PDE11A: variants seen among roughly 807,000 people sequenced by gnomAD.
The protein encoded by PDE11A is phosphodiesterase 11A.
PDE11A carries 100 observed loss-of-function variants against 100.5 expected under a neutral mutation model. The ratio of observed to expected loss-of-function variants is 1.00; its 90% confidence interval spans 0.85 to 1.18. The LOEUF is 1.18. Among genes scored for constraint, PDE11A ranks in the 50% most tolerant of loss-of-function variants. The pLI, the probability that PDE11A is intolerant of heterozygous loss-of-function variation, is 0.00. For synonymous variants in PDE11A, 381 were observed against 420.8 expected (o/e 0.91, Z 1.16); for missense variants, 1,141 against 1,152.6 (o/e 0.99, Z 0.15).
chr2:177,944,844 C>T (rs1470244283), intron 2 of PDE11A, among the ~76,000 whole-genome samples: 1 of 143,834 alleles, frequency 7.0e-6, no homozygotes, highest in Non-Finnish European at 1.6e-5. Context: ...CTCTCCGTCT[C>T]CCTCTCCCTC....
intron 1 of PDE11A, among the ~76,000 whole-genome samples, chr2:178,044,373 T>TTTTTATATATATAAACTTTATATATATG (rs2086720337): frequency 1.3e-5 from 2 of 148,416 alleles, no homozygotes; most frequent in Non-Finnish European, 3.0e-5. Flanking sequence ...TATATATATG[T>TTTTTATATATATAAACTTTATATATATG]TTTTATATAT....
At position 177,902,273 on chromosome 2, in the gene PDE11A, C is replaced by A. The variant is rs892740144; in HGVS notation, c.1161+2825G>T. Among the ~76,000 whole-genome samples the A allele has an allele frequency of 1.7e-4, 26 of 152,116 alleles. 1 individual carries two copies. In the South Asian group the frequency reaches 1.9e-3, roughly 11 times the overall value. On this transcript the variant is annotated intron_variant, in intron 3 of 19. Transcript: ENST00000286063. ...AGAAGGTACTTTGTAATATTCTCCC[C>A]CGCCCTTAAGAATGTACTTTGTATG... is the stretch of plus-strand genomic sequence containing the variant.
At chr2:178,032,784 T>G (rs1249965360) in intron 1 of PDE11A, among the ~76,000 whole-genome samples, 2 of 152,080 alleles carry the variant, frequency 1.3e-5, no homozygotes, top group Admixed American at 6.6e-5. Flanking sequence ...TCCAGCAAAC[T>G]GCAGCAGACC....
In PDE11A at chr2:178,071,713, A is replaced by C; in HGVS notation, c.725T>G (p.Leu242Arg). 1 of 1,614,120 alleles carries C rather than the reference A, an allele frequency of 6.2e-7. No homozygotes were observed. Among genetic ancestry groups the C allele is most frequent in the Non-Finnish European group, 8.5e-7 (1 of 1,179,956 alleles). ...MVDADRCSLFLVEGAAAGKKT... is the reference protein window; with the variant it reads ...MVDADRCSLFRVEGAAAGKKT... ...CTTGCCAGCAGCTGCCCCTTCCACC[A>C]GGAAAAGAGAGCAGCGGTCAGCATC... The change falls in exon 1 of 20, where the codon CTG (leucine) becomes CGG (arginine). Residue 242 changes from leucine (L) to arginine (R), a missense_variant. Coordinates refer to ENST00000286063, the MANE Select transcript of PDE11A (RefSeq NM_016953.4).
intron 2 of PDE11A, among the ~76,000 whole-genome samples, chr2:178,002,835 A>T (rs2086161597): frequency 6.6e-6 from 1 of 152,218 alleles, no homozygotes; most frequent in Non-Finnish European, 1.5e-5. Flanking sequence ...AAGTTTAGTG[A>T]GTTCATATAC....
intron 9 of PDE11A, among the ~76,000 whole-genome samples, chr2:177,793,499 C>T (rs532499026): frequency 1.2e-4 from 16 of 130,710 alleles, no homozygotes; most frequent in East Asian, 6.8e-4. Context: ...ATGGTGGATG[C>T]GAGACCTCGA....
chr2:177,685,725 G>T (rs989165847), intron 15 of PDE11A, among the ~76,000 whole-genome samples: 1 of 151,906 alleles, frequency 6.6e-6, no homozygotes, highest in South Asian at 2.1e-4. Flanking sequence ...GCACCACCAG[G>T]CCTGGCTAAT....
intron 2 of PDE11A, among the ~76,000 whole-genome samples, chr2:177,912,118 G>T (rs1412851015): frequency 6.6e-6 from 1 of 152,118 alleles, no homozygotes. Context: ...CAAACCCAAG[G>T]TGGGCTCCTC....
chr2:177,846,006 C>G (rs976772509), intron 5 of PDE11A, among the ~76,000 whole-genome samples: 1 of 143,672 alleles, frequency 7.0e-6, no homozygotes. Context: ...AGAGGGAGAC[C>G]GTGGAAAGAG....
chr2:178,035,388 C>T (rs2086599659), intron 1 of PDE11A, among the ~76,000 whole-genome samples: 1 of 152,130 alleles, frequency 6.6e-6, no homozygotes, highest in East Asian at 1.9e-4. Context: ...TAATTAAGAG[C>T]CTACCAACCA....
intron 2 of PDE11A, among the ~76,000 whole-genome samples, chr2:177,919,553 A>G (rs1259069102): frequency 6.6e-6 from 1 of 152,178 alleles, no homozygotes; most frequent in African/African-American, 2.4e-5. Context: ...CTTTTAAAGC[A>G]AAAAAATGAT....
At chr2:177,669,762 C>A (rs1310534530) in intron 17 of PDE11A, among the ~76,000 whole-genome samples, 195 bp from the exon 18 acceptor site, 1 of 152,186 alleles carries the variant, frequency 6.6e-6, no homozygotes, top group Non-Finnish European at 1.5e-5. Context: ...TTAATCAGGA[C>A]AACTTGTGCA....
At chr2:177,835,782 C>T (rs752753382) in intron 6 of PDE11A, among the ~76,000 whole-genome samples, 6 of 152,174 alleles carry the variant, frequency 3.9e-5, no homozygotes, top group Non-Finnish European at 5.9e-5. Context: ...CAGCTGGTGC[C>T]GCCGGCCCTG....
rs1292022939 is a variant in PDE11A, at chr2:177,727,704, C to T, written c.1997G>A (p.Trp666Ter). The T allele has an allele frequency of 6.2e-7, 1 of 1,612,104 alleles. No homozygotes were observed. Among genetic ancestry groups the T allele is most frequent in the East Asian group, 2.2e-5 (1 of 44,858 alleles). ...KNYRMVLYHN[W>*]RHAFNVCQLM... ...CTGACACACGTTGAAGGCATGTCTC[C>T]AGTTGTGGTATAGAACCATCCGATA... The change falls in exon 12 of 20, where the codon TGG becomes TAG. Residue 666 changes from tryptophan (W) to a stop codon, truncating the protein, a stop_gained. Coordinates refer to ENST00000286063, the MANE Select transcript of PDE11A (RefSeq NM_016953.4). LOFTEE classifies it high-confidence loss of function.
At chr2:178,026,418 T>C (rs567886316) in intron 1 of PDE11A, among the ~76,000 whole-genome samples, 9 of 152,294 alleles carry the variant, frequency 5.9e-5, no homozygotes, top group Non-Finnish European at 1.2e-4. Context: ...TCCCAGCACT[T>C]TGGGAGGCCA....
At chr2:177,995,843 T>C (rs2086066080) in intron 2 of PDE11A, among the ~76,000 whole-genome samples, 1 of 152,194 alleles carries the variant, frequency 6.6e-6, no homozygotes, top group South Asian at 2.1e-4. Flanking sequence ...AATTCTAAAT[T>C]ATACTATCTC....
intron 6 of PDE11A, among the ~76,000 whole-genome samples, chr2:177,836,284 T>C (rs2083396402): frequency 6.6e-6 from 1 of 152,212 alleles, no homozygotes; most frequent in Non-Finnish European, 1.5e-5. Flanking sequence ...AGAACCTTTA[T>C]GTCTAGCTAA....
intron 10 of PDE11A, among the ~76,000 whole-genome samples, chr2:177,738,455 A>G (rs1370984289): frequency 1.3e-5 from 2 of 152,234 alleles, no homozygotes; most frequent in Non-Finnish European, 2.9e-5. Context: ...TACATTACAC[A>G]TTAAGGTTTA....
Position 177,660,150 on chromosome 2 carries a change from TTTCTTCTC to T in PDE11A, c.2646+3708_2646+3715del, listed in dbSNP as rs1394894587. 1.1e-4 allele frequency among the ~76,000 whole-genome samples: 6 copies of T among 56,424 alleles called. 1 individual carries two copies. The highest frequency in any genetic ancestry group is 2.4e-4 in the Admixed American group (1 of 4,114). The allele number at this position is 56,424 out of a possible 152,430, so 37.0% of individuals were successfully genotyped here. ...TTCTTTCATTCCTTCTCTCTCTTTC[TTTCTTCTC>T]TCTCTCTCTCTCCTTCTCTGTCTCT... On this transcript the variant is annotated intron_variant, in intron 19 of 19. Coordinates refer to ENST00000286063, the MANE Select transcript of PDE11A (RefSeq NM_016953.4).
Sources: allele counts gnomAD v4.1 joint callset (sites outside exome capture counted in the v4.1 genomes callset), GRCh38; gene constraint gnomAD v4.1.1; transcripts MANE v1.5; gene names NCBI Gene and HGNC (gene_info 2026-07-23, HGNC 2026-07-21).